Variants in VPS13D observed in about 807,000 individuals in gnomAD.
VPS13D encodes the protein vacuolar protein sorting 13 homolog D, also known as intermembrane lipid transfer protein VPS13D.
In VPS13D, 187 loss-of-function variants were observed where a neutral mutation model predicts 461.9. The ratio of observed to expected loss-of-function variants is 0.40; its 90% CI spans 0.36 to 0.46. The LOEUF is 0.46. Among genes scored for constraint, VPS13D ranks in the 20% least tolerant of loss-of-function variants. The probability of loss-of-function intolerance (pLI) is 0.60; values close to 1 mark genes in which losing one functional copy is unlikely to be tolerated. For missense variants in VPS13D, 4,711 were observed against 5,364.9 expected (o/e 0.88, Z 3.81); for synonymous variants, 1,951 against 1,986.3 (o/e 0.98, Z 0.47).
Position 12,257,234 on chromosome 1 carries a change from A to G in VPS13D, c.941+147A>G, listed in dbSNP as rs917352968. ...TTCTGGTCCTTGGAATGCCATTCCC[A>G]TTGTTTATCATCATTGATATTCTTT... On this transcript the variant is annotated intron_variant, in intron 9 of 69. Transcript: ENST00000620676. The G allele has an allele frequency of 1.8e-5, 12 of 663,270 alleles. No individual in the cohort carries two copies. The Admixed American group carries it at 1.8e-4, about 10-fold the overall frequency. 41.1% of individuals were successfully genotyped at this position (663,270 alleles called of 1,614,324 possible). A position where few individuals can be genotyped will look rare whatever the true frequency, so the allele number is the denominator to read the frequency against.
In VPS13D at chr1:12,282,675, A is replaced by G. The variant is rs375103360; in HGVS notation, c.4603-30A>G. On this transcript the variant is annotated intron_variant, in intron 20 of 69. Coordinates refer to ENST00000620676, the MANE Select transcript of VPS13D (RefSeq NM_015378.4). The stretch of plus-strand genomic sequence containing the variant: ...ACATCTACGTGCATTTAATAATAAG[A>G]GTAACTGAATTTTTCTCTTTTCAAT... The G allele has an allele frequency of 3.1e-5, 48 of 1,564,636 alleles. No homozygotes were observed. The African/African-American group carries it at 6.4e-4, about 21-fold the overall frequency.
At chr1:12,418,891 A>G (rs1168471751) in intron 65 of VPS13D, among the ~76,000 whole-genome samples, 1 of 152,204 alleles carries the variant, frequency 6.6e-6, no homozygotes, top group East Asian at 1.9e-4. Flanking sequence ...TGGGTTAAGA[A>G]TGAAGAAGCT....
rs772757546 is a variant in VPS13D at position 12,232,637 on chromosome 1, CTTT to C, written c.-76-1531_-76-1529del. On this transcript the variant is annotated intron_variant, in intron 1 of 69. Transcript: ENST00000620676. ...GACTTTTTGTAATACTAAAATTAGT[CTTT>C]TTTTTTTTTTTTTTTTTTTTTTGGT... Among the ~76,000 whole-genome samples, 291 of 71,002 alleles carry C rather than the reference CTTT, an allele frequency of 4.1e-3. 1 individual carries two copies. Among genetic ancestry groups the C allele is most frequent in the African/African-American group, 0.014 (254 of 18,308 alleles). 46.6% of individuals were successfully genotyped at this position (71,002 alleles called of 152,430 possible). A position where few individuals can be genotyped will look rare whatever the true frequency, so the allele number is the denominator to read the frequency against.
chr1:12,342,056 T>C (rs955573999), intron 41 of VPS13D, among the ~76,000 whole-genome samples, 171 bp downstream of exon 41: 5 of 152,178 alleles, frequency 3.3e-5, no homozygotes, highest in African/African-American at 1.2e-4. Flanking sequence ...GTAGAGAATC[T>C]ATAGTCAGAG....
intron 65 of VPS13D, among the ~76,000 whole-genome samples, chr1:12,447,032 G>C (rs1046149746): frequency 6.6e-6 from 1 of 152,160 alleles, no homozygotes; most frequent in Non-Finnish European, 1.5e-5. Context: ...AAGTGGGCCA[G>C]GTGTCTGAGT....
intron 58 of VPS13D, among the ~76,000 whole-genome samples, chr1:12,383,803 C>A (rs954314175): frequency 3.3e-5 from 5 of 152,180 alleles, no homozygotes; most frequent in African/African-American, 1.2e-4. Context: ...TTGGAGCTTA[C>A]ATTCTAGTGG....
Position 12,277,648 on chromosome 1 carries a change from A to T in VPS13D, c.4060A>T (p.Ile1354Phe), listed in dbSNP as rs1029288209. The change falls in exon 19 of 70, where the codon ATC becomes TTC. Residue 1354 changes from isoleucine to phenylalanine, a missense_variant. Ile to Phe is a conservative substitution (Grantham distance 21, BLOSUM62 0). Coordinates refer to ENST00000620676, the MANE Select transcript of VPS13D (RefSeq NM_015378.4). Reference sequence around the variant, plus strand: ...TCCAAGGAAGACTCGGGAACCCTTTATCTTAGAGGAAAATGAAATATATGG... The same window carrying T: ...TCCAAGGAAGACTCGGGAACCCTTTTTCTTAGAGGAAAATGAAATATATGG... ...ETPRKTREPF[I>F]LEENEIYGFD... 4 of 1,614,132 alleles carry T rather than the reference A, an allele frequency of 2.5e-6. No individual in the cohort carries two copies. Among genetic ancestry groups the T allele is most frequent in the Non-Finnish European group, 8.5e-7 (1 of 1,180,010 alleles).
intron 65 of VPS13D, among the ~76,000 whole-genome samples, chr1:12,433,512 G>A (rs1645019631): frequency 1.3e-5 from 2 of 152,202 alleles, no homozygotes; most frequent in Non-Finnish European, 2.9e-5. Flanking sequence ...AAGAGTATTA[G>A]TTGTTTAATA....
At chr1:12,390,599 G>A (rs1570074150) in intron 60 of VPS13D, among the ~76,000 whole-genome samples, 1 of 152,186 alleles carries the variant, frequency 6.6e-6, no homozygotes, top group Non-Finnish European at 1.5e-5. Flanking sequence ...TGGAGTAAGC[G>A]TCTATTCCAG....
intron 1 of VPS13D, among the ~76,000 whole-genome samples, chr1:12,232,566 A>G (rs909903848): frequency 5.9e-5 from 9 of 151,676 alleles, no homozygotes; most frequent in Non-Finnish European, 1.3e-4. Context: ...TAGTTGAGCA[A>G]TCTCAGAACC....
chr1:12,342,807 T>G, intron 41 of VPS13D, 92 bp from the exon 42 acceptor site: 1 of 1,420,782 alleles, frequency 7.0e-7, no homozygotes, highest in Middle Eastern at 2.3e-4. Context: ...GGAATTGAGT[T>G]GTGAGAAGGT....
At chr1:12,253,631 C>A in intron 6 of VPS13D, 91 bp from the exon 7 acceptor site, 1 of 1,018,642 alleles carries the variant, frequency 9.8e-7, no homozygotes, top group Non-Finnish European at 1.5e-6. Context: ...AAGTACCTGA[C>A]ACATGATTCT....
intron 57 of VPS13D, 42 bp from the exon 58 acceptor site, chr1:12,382,934 C>T: frequency 6.4e-7 from 1 of 1,560,448 alleles, no homozygotes; most frequent in Non-Finnish European, 8.7e-7. Context: ...AAAGTCAGTG[C>T]CTCTGTCTTT....
intron 54 of VPS13D, among the ~76,000 whole-genome samples, chr1:12,371,739 A>G (rs1200008329): frequency 6.6e-6 from 1 of 152,048 alleles, no homozygotes; most frequent in Non-Finnish European, 1.5e-5. Context: ...GCTGAATACT[A>G]TGCTGTATAC....
chr1:12,456,553 G>A (rs1645330366), intron 66 of VPS13D, among the ~76,000 whole-genome samples: 1 of 145,828 alleles, frequency 6.9e-6, no homozygotes, highest in African/African-American at 2.6e-5. Context: ...CAGGAGAATT[G>A]CTCGAACCCT....
intron 31 of VPS13D, among the ~76,000 whole-genome samples, chr1:12,318,851 T>A (rs1216552670): frequency 6.6e-6 from 1 of 152,208 alleles, no homozygotes; most frequent in Non-Finnish European, 1.5e-5. Flanking sequence ...TATTTATTGT[T>A]ATGTTTCTGA....
intron 65 of VPS13D, among the ~76,000 whole-genome samples, chr1:12,446,306 A>T (rs1188211498): frequency 6.6e-6 from 1 of 151,848 alleles, no homozygotes; most frequent in Non-Finnish European, 1.5e-5. Context: ...AATCCCAGTC[A>T]CTCAGGAGGC....
intron 45 of VPS13D, 65 bp downstream of exon 45, chr1:12,349,038 C>A: frequency 6.2e-7 from 1 of 1,610,316 alleles, no homozygotes. Context: ...TGTCAAGTCT[C>A]TTTTTCCCCA....
At chr1:12,488,052 A>C (rs939858703) in intron 67 of VPS13D, among the ~76,000 whole-genome samples, 3 of 152,128 alleles carry the variant, frequency 2.0e-5, no homozygotes, top group African/African-American at 7.2e-5. Flanking sequence ...AAAACGTTTT[A>C]AGCACTCCTT....
Sources: gnomAD v4.1 joint callset for allele counts (sites outside exome capture counted in the v4.1 genomes callset) on GRCh38, gnomAD v4.1.1 for gene constraint, MANE v1.5 for transcripts, NCBI Gene and HGNC (gene_info 2026-07-23, HGNC 2026-07-21) for gene names.